Variants in FAM227A observed in about 807,000 individuals in gnomAD.
The protein encoded by FAM227A is family with sequence similarity 227 member A.
A neutral mutation model predicts 74.7 loss-of-function variants in FAM227A; 80 were observed. The observed-to-expected ratio is 1.07, with a 90% CI of 0.89 to 1.29. FAM227A has a LOEUF of 1.29. Among genes scored for constraint, FAM227A ranks in the 50% most tolerant of loss-of-function variants. The probability of loss-of-function intolerance (pLI) is 0.00; values close to 1 mark genes in which losing one functional copy is unlikely to be tolerated. For synonymous variants in FAM227A, 237 were observed against 241.8 expected (o/e 0.98, Z 0.19); for missense variants, 654 against 683.4 (o/e 0.96, Z 0.48).
In FAM227A at chr22:38,644,686, T is replaced by G. The variant is rs1299915580; in HGVS notation, c.225+877A>C. Among the ~76,000 whole-genome samples the G allele has an allele frequency of 2.0e-5, 3 of 152,236 alleles. No individual in the cohort carries two copies. The East Asian group carries it at 5.8e-4, about 29-fold the overall frequency. On this transcript the variant is annotated intron_variant, in intron 3 of 16. Coordinates refer to ENST00000535113, the MANE Select transcript of FAM227A (RefSeq NM_001013647.2). ...TAATTCTAACTAATGTGCCACTATCTTATGGAATGTCAACAGTGGGGGAGA... is the reference window on the plus strand; with the variant it reads ...TAATTCTAACTAATGTGCCACTATCGTATGGAATGTCAACAGTGGGGGAGA...
intron 2 of FAM227A, 143 bp downstream of exon 2, chr22:38,649,878 AAGAAAG>A (rs748711168): frequency 0.033 from 18,728 of 560,858 alleles, 78 homozygotes; most frequent in East Asian, 0.048. Flanking sequence ...AAAAAAAAAA[AAGAAAG>A]AAAAGAAAAG....
chr22:38,640,287 C>G (rs2092087682), intron 3 of FAM227A, among the ~76,000 whole-genome samples: 2 of 152,172 alleles, frequency 1.3e-5, no homozygotes, highest in Non-Finnish European at 2.9e-5. Context: ...CCCACCTCGG[C>G]CTCCCAAAGT....
chr22:38,646,599 A>C (rs1465158835), intron 2 of FAM227A, among the ~76,000 whole-genome samples: 1 of 151,382 alleles, frequency 6.6e-6, no homozygotes, highest in African/African-American at 2.4e-5. Context: ...CTGTATTTAC[A>C]ATCTGAGTGT....
In FAM227A at chr22:38,650,239, C is replaced by G. The variant is rs947878614; in HGVS notation, c.-71G>C. The G allele has an allele frequency of 4.8e-5, 70 of 1,470,266 alleles. 1 individual carries two copies. In the Middle Eastern group the frequency reaches 6.1e-4, roughly 13 times the overall value. The allele number at this position is 1,470,266 out of a possible 1,614,324, so 91.1% of individuals were successfully genotyped here. On this transcript the variant is annotated 5_prime_UTR_variant, in exon 2 of 17. Coordinates refer to ENST00000535113, the MANE Select transcript of FAM227A (RefSeq NM_001013647.2). ...AGAGCCTCTCATTTCCCACTCCAAT[C>G]TTGTCGTTTGTTTAATCAGCCTCCT...
At chr22:38,603,813 G>A (rs1483061840) in intron 13 of FAM227A, among the ~76,000 whole-genome samples, 2 of 152,034 alleles carry the variant, frequency 1.3e-5, no homozygotes, top group Non-Finnish European at 2.9e-5. Context: ...TAAATTCCAA[G>A]GAATAGAGTG....
chr22:38,645,695 A>T, intron 2 of FAM227A, 50 bp from the exon 3 acceptor site: 1 of 1,203,304 alleles, frequency 8.3e-7, no homozygotes, highest in Non-Finnish European at 1.2e-6. Flanking sequence ...TACACACACA[A>T]CAGGATGGGG....
intron 11 of FAM227A, among the ~76,000 whole-genome samples, chr22:38,609,713 G>A (rs1235340443): frequency 6.6e-6 from 1 of 152,124 alleles, no homozygotes; most frequent in Non-Finnish European, 1.5e-5. Flanking sequence ...TGAGGTGGTT[G>A]CAGGGAAAAC....
Position 38,620,301 on chromosome 22 carries a change from G to T in FAM227A, c.959-10C>A. 2 of 1,541,062 alleles carry T rather than the reference G, an allele frequency of 1.3e-6. No homozygotes were observed. Among genetic ancestry groups the T allele is most frequent in the Non-Finnish European group, 1.8e-6 (2 of 1,137,436 alleles). On this transcript the variant is annotated splice_polypyrimidine_tract_variant and intron_variant, in intron 10 of 16. Coordinates refer to ENST00000535113, the MANE Select transcript of FAM227A (RefSeq NM_001013647.2). Reference sequence around the variant, plus strand: ...AAAGAAAACTCTCTCCCTATAGAAGGGGAAAAGCTGTTATTAATTCCTCTT... The same window carrying T: ...AAAGAAAACTCTCTCCCTATAGAAGTGGAAAAGCTGTTATTAATTCCTCTT...
At chr22:38,626,114 C>T (rs1295264944) in intron 9 of FAM227A, 66 bp downstream of exon 9, 8 of 1,514,492 alleles carry the variant, frequency 5.3e-6, no homozygotes, top group Non-Finnish European at 7.2e-6. Context: ...CAATAACATA[C>T]CTAGGTGCCA....
At chr22:38,639,826 CCTG>C in intron 3 of FAM227A, 102 bp from the exon 4 acceptor site, 1 of 819,460 alleles carries the variant, frequency 1.2e-6, no homozygotes, top group Non-Finnish European at 2.0e-6. Context: ...GCACAAAAGA[CCTG>C]GAGCAAAGTT....
intron 3 of FAM227A, among the ~76,000 whole-genome samples, chr22:38,641,110 T>C (rs2092105248): frequency 7.3e-6 from 1 of 136,522 alleles, no homozygotes; most frequent in African/African-American, 2.9e-5. Flanking sequence ...TGGATAAGAT[T>C]TGCACAGAAA....
intron 2 of FAM227A, among the ~76,000 whole-genome samples, chr22:38,646,274 T>C (rs2092236744): frequency 1.0e-5 from 1 of 97,646 alleles, no homozygotes; most frequent in South Asian, 3.7e-4. Context: ...TTTTTTTTTT[T>C]TTTGAGACGG....
Position 38,592,606 on chromosome 22 carries a change from T to G in FAM227A, c.1533-1066A>C, listed in dbSNP as rs550737208. On this transcript the variant is annotated intron_variant, in intron 15 of 16. Coordinates refer to ENST00000535113, the MANE Select transcript of FAM227A (RefSeq NM_001013647.2). ...GAGCAGCCATTTCTTACCATGAAGT[T>G]AAATCATGGGCTGAAGCTAAATCAT... is the stretch of plus-strand genomic sequence containing the variant. 2.6e-5 allele frequency among the ~76,000 whole-genome samples: 4 copies of G among 151,470 alleles called. No homozygotes were observed. In the South Asian group the frequency reaches 8.3e-4, roughly 31 times the overall value.
rs7288184 is a variant in FAM227A, at chr22:38,651,273, C to G, written c.-94-1011G>C. On this transcript the variant is annotated intron_variant, in intron 1 of 16. Transcript: ENST00000535113. The stretch of plus-strand genomic sequence containing the variant: ...GGTTCTGCATTCATCTATCACAGGA[C>G]TCACAATAGTGAACTGGAATGATTT... Among the ~76,000 whole-genome samples, 460 of 152,340 alleles carry G rather than the reference C, an allele frequency of 3.0e-3. 2 individuals are homozygous for G. The highest frequency in any genetic ancestry group is 0.011 in the African/African-American group (442 of 41,588).
chr22:38,582,592 C>A lies in FAM227A; in HGVS notation c.*3533G>T. The A allele has an allele frequency of 1.3e-6, 1 of 757,250 alleles. No homozygotes were observed. Among genetic ancestry groups the A allele is most frequent in the Non-Finnish European group, 2.1e-6 (1 of 477,568 alleles). 46.9% of individuals were successfully genotyped at this position (757,250 alleles called of 1,614,324 possible). A position where few individuals can be genotyped will look rare whatever the true frequency, so the allele number is the denominator to read the frequency against. The stretch of plus-strand genomic sequence containing the variant: ...CAGAGACAGGTTTCTTCATATTTAA[C>A]ATCCTGAGAGGCTACAACTCTGAGT... On this transcript the variant is annotated 3_prime_UTR_variant, in exon 17 of 17. Coordinates refer to ENST00000535113, the MANE Select transcript of FAM227A (RefSeq NM_001013647.2).
chr22:38,611,967 C>T (rs546270482), intron 11 of FAM227A, among the ~76,000 whole-genome samples: 2 of 152,230 alleles, frequency 1.3e-5, no homozygotes, highest in Admixed American at 6.5e-5. Context: ...ATGCTGAAGC[C>T]GCACACCTGG....
Position 38,628,895 on chromosome 22 carries a change from GAAGA to G in FAM227A, c.556_559del (p.Ser186LeufsTer34). 1 of 1,545,026 alleles carries G rather than the reference GAAGA, an allele frequency of 6.5e-7. No individual in the cohort carries two copies. The highest frequency in any genetic ancestry group is 8.7e-7 in the Non-Finnish European group (1 of 1,143,484). On this transcript the variant is annotated frameshift_variant, in exon 7 of 17. Coordinates refer to ENST00000535113, the MANE Select transcript of FAM227A (RefSeq NM_001013647.2). LOFTEE classifies it high-confidence loss of function. The stretch of plus-strand genomic sequence containing the variant: ...CAGCCAGATGGCTCTTGGAGAAGAA[GAAGA>G]GAGAAACTTCTCTAATTCTCTACCT...
Position 38,597,365 on chromosome 22 carries a change from C to T in FAM227A, c.1380-9G>A, listed in dbSNP as rs5757162. On this transcript the variant is annotated splice_polypyrimidine_tract_variant and intron_variant, in intron 14 of 16. Transcript: ENST00000535113. ...ACGTTGGGGTGCAGTCAGTGGCTTC[C>T]GCTGTCAAGGAAATCCCCGTACTGT... is the stretch of plus-strand genomic sequence containing the variant. The T allele has an allele frequency of 0.28, 435,618 of 1,550,422 alleles. 62,934 individuals carry two copies. The highest frequency in any genetic ancestry group is 0.35 in the East Asian group (14,426 of 40,884).
intron 1 of FAM227A, chr22:38,653,896 G>A (rs2092355094): frequency 6.6e-6 from 1 of 152,190 alleles, no homozygotes; most frequent in South Asian, 2.1e-4. Context: ...TACATCTACT[G>A]GAGGAGACAG....
Sources: gnomAD v4.1 joint callset for allele counts (sites outside exome capture counted in the v4.1 genomes callset) on GRCh38, gnomAD v4.1.1 for gene constraint, MANE v1.5 for transcripts, NCBI Gene and HGNC (gene_info 2026-07-23, HGNC 2026-07-21) for gene names.